The following ARHGAP15 variants were observed in gnomAD, a reference collection of about 807,000 sequenced individuals.
The protein encoded by ARHGAP15 is Rho GTPase activating protein 15.
Under a neutral mutation model 63.7 loss-of-function variants are expected in ARHGAP15, and 51 were observed. The ratio of observed to expected loss-of-function variants is 0.80; its 90% CI spans 0.64 to 1.01. The LOEUF (loss-of-function observed/expected upper bound fraction) is 1.01. Ranked by LOEUF, ARHGAP15 falls within the 50% of genes least tolerant of loss-of-function variation. The pLI, the probability that ARHGAP15 is intolerant of heterozygous loss-of-function variation, is 0.00. For synonymous variants in ARHGAP15, 191 were observed against 193.8 expected (o/e 0.99, Z 0.12); for missense variants, 560 against 564.6 (o/e 0.99, Z 0.08).
rs1472206954 is a variant in ARHGAP15, at chr2:143,520,831, G to A, written c.925+1467G>A. ...CTATTAGACCAAAAACCCAAATAGG[G>A]CGTTGGGGAAGCACATAATAAGATG... On this transcript the variant is annotated intron_variant, in intron 10 of 13. Coordinates refer to ENST00000295095, the MANE Select transcript of ARHGAP15 (RefSeq NM_018460.4). Among the ~76,000 whole-genome samples, 4 of 152,102 alleles carry A rather than the reference G, an allele frequency of 2.6e-5. No individual in the cohort carries two copies. The East Asian group carries it at 7.7e-4, about 29-fold the overall frequency.
intron 5 of ARHGAP15, among the ~76,000 whole-genome samples, chr2:143,230,163 G>A (rs1294745363): frequency 1.3e-5 from 2 of 152,120 alleles, no homozygotes; most frequent in African/African-American, 4.8e-5. Flanking sequence ...GAAAGTCGCT[G>A]GCCTTGCTGA....
intron 8 of ARHGAP15, among the ~76,000 whole-genome samples, chr2:143,480,181 A>G (rs188122106): frequency 2.6e-5 from 4 of 152,336 alleles, no homozygotes; most frequent in East Asian, 3.9e-4. Flanking sequence ...GACAGTGAAG[A>G]ATTTACATCA....
chr2:143,613,041 G>C (rs1698317622), intron 11 of ARHGAP15, among the ~76,000 whole-genome samples: 1 of 152,166 alleles, frequency 6.6e-6, no homozygotes, highest in African/African-American at 2.4e-5. Flanking sequence ...TGAAAGCAGA[G>C]ACCACGTTGT....
chr2:143,166,391 T>C (rs2105035475), intron 2 of ARHGAP15, among the ~76,000 whole-genome samples: 1 of 152,276 alleles, frequency 6.6e-6, no homozygotes, highest in South Asian at 2.1e-4. Context: ...GTTTCATCTA[T>C]TCATTTCATC....
At chr2:143,740,205 C>A (rs1685909393) in intron 13 of ARHGAP15, among the ~76,000 whole-genome samples, 1 of 152,112 alleles carries the variant, frequency 6.6e-6, no homozygotes, top group African/African-American at 2.4e-5. Flanking sequence ...CATGAATCTA[C>A]AAGATGAGCG....
At chr2:143,536,650 T>A (rs1694780927) in intron 10 of ARHGAP15, among the ~76,000 whole-genome samples, 1 of 151,914 alleles carries the variant, frequency 6.6e-6, no homozygotes, top group African/African-American at 2.4e-5. Flanking sequence ...TGCAATAGTT[T>A]GCTGAGAATG....
intron 6 of ARHGAP15, chr2:143,351,012 A>G (rs1685545638): frequency 1.3e-5 from 2 of 151,656 alleles, no homozygotes; most frequent in Non-Finnish European, 2.9e-5. Flanking sequence ...TCTGGGGCTT[A>G]TATAGTACCC....
chr2:143,134,557 A>G (rs1377076021), intron 1 of ARHGAP15, among the ~76,000 whole-genome samples: 1 of 152,084 alleles, frequency 6.6e-6, no homozygotes, highest in African/African-American at 2.4e-5. Flanking sequence ...CTTTAGTGAC[A>G]CTCAAGCCTT....
intron 8 of ARHGAP15, among the ~76,000 whole-genome samples, chr2:143,482,476 G>A (rs1305325386): frequency 6.6e-6 from 1 of 152,158 alleles, no homozygotes; most frequent in Non-Finnish European, 1.5e-5. Context: ...GGGGTCACTT[G>A]GGTGCTGTGG....
chr2:143,634,616 T>C (rs1190754451), intron 12 of ARHGAP15, among the ~76,000 whole-genome samples: 1 of 152,150 alleles, frequency 6.6e-6, no homozygotes, highest in African/African-American at 2.4e-5. Context: ...AACTAATCTT[T>C]CCACTTCTCT....
At chr2:143,293,561 G>A (rs1056174969) in intron 6 of ARHGAP15, among the ~76,000 whole-genome samples, 3 of 151,820 alleles carry the variant, frequency 2.0e-5, no homozygotes, top group African/African-American at 4.8e-5. Flanking sequence ...TATTTATTTC[G>A]GCAGAGGATA....
chr2:143,447,229 T>C (rs1690184027), intron 8 of ARHGAP15, among the ~76,000 whole-genome samples: 1 of 152,186 alleles, frequency 6.6e-6, no homozygotes. Flanking sequence ...AGGGTAGAAT[T>C]TTGACAGAGA....
chr2:143,350,340 G>C lies in ARHGAP15; in HGVS notation c.475-85261G>C, dbSNP rs1284601438. On this transcript the variant is annotated intron_variant, in intron 6 of 13. Transcript: ENST00000295095. Reference sequence around the variant, plus strand: ...TGAGTTTCAACATCTGTAATAGTTAGGAGAGTTCATGTAGAACTCTACACT... The same window carrying C: ...TGAGTTTCAACATCTGTAATAGTTACGAGAGTTCATGTAGAACTCTACACT... Among the ~76,000 whole-genome samples, 9 of 151,042 alleles carry C rather than the reference G, an allele frequency of 6.0e-5. No individual in the cohort carries two copies. The East Asian group carries it at 1.7e-3, about 29-fold the overall frequency.
intron 9 of ARHGAP15, among the ~76,000 whole-genome samples, chr2:143,509,025 G>C (rs891970612): frequency 5.3e-5 from 8 of 152,138 alleles, no homozygotes; most frequent in Non-Finnish European, 8.8e-5. Flanking sequence ...ACTCATCTTT[G>C]GGCTGCCTTG....
chr2:143,326,557 G>A (rs983899687), intron 6 of ARHGAP15, among the ~76,000 whole-genome samples: 2 of 152,122 alleles, frequency 1.3e-5, no homozygotes, highest in Non-Finnish European at 2.9e-5. Context: ...CTTTAATAGT[G>A]ACTTCTCCAA....
intron 13 of ARHGAP15, among the ~76,000 whole-genome samples, chr2:143,706,166 C>A (rs1684317007): frequency 6.6e-6 from 1 of 152,130 alleles, no homozygotes; most frequent in African/African-American, 2.4e-5. Context: ...TGTGTGCACA[C>A]AATTATATCT....
intron 12 of ARHGAP15, among the ~76,000 whole-genome samples, chr2:143,631,882 C>T (rs1680051629): frequency 6.6e-6 from 1 of 152,022 alleles, no homozygotes; most frequent in African/African-American, 2.4e-5. Flanking sequence ...TTTTCTTCAA[C>T]ATCTGTTCTG....
At chr2:143,464,657 G>A (rs1424199398) in intron 8 of ARHGAP15, among the ~76,000 whole-genome samples, 2 of 152,114 alleles carry the variant, frequency 1.3e-5, no homozygotes, top group African/African-American at 2.4e-5. Flanking sequence ...TAATCAAGCC[G>A]TTTTGCCTCT....
At chr2:143,745,008 C>G (rs1357529954) in intron 13 of ARHGAP15, among the ~76,000 whole-genome samples, 1 of 152,190 alleles carries the variant, frequency 6.6e-6, no homozygotes, top group East Asian at 1.9e-4. Flanking sequence ...AAATATTTAT[C>G]TTTGTAAATT....
Sources: gnomAD v4.1 joint callset for allele counts (sites outside exome capture counted in the v4.1 genomes callset) on GRCh38, gnomAD v4.1.1 for gene constraint, MANE v1.5 for transcripts, NCBI Gene and HGNC (gene_info 2026-07-23, HGNC 2026-07-21) for gene names.